The following PIK3C2G variants were observed in gnomAD, a reference collection of about 807,000 sequenced individuals.
PIK3C2G encodes the protein phosphatidylinositol-4-phosphate 3-kinase catalytic subunit type 2 gamma.
A neutral mutation model predicts 181.1 loss-of-function variants in PIK3C2G; 168 were observed. The ratio of observed to expected loss-of-function variants is 0.93; its 90% CI spans 0.82 to 1.05. PIK3C2G has a LOEUF of 1.05. Among genes scored for constraint, PIK3C2G ranks in the 50% least tolerant of loss-of-function variants. PIK3C2G has a pLI of 0.00. For synonymous variants in PIK3C2G, 573 were observed against 592.2 expected (o/e 0.97, Z 0.47); for missense variants, 1,869 against 1,732.8 (o/e 1.08, Z -1.40).
At chr12:18,623,850 A>G (rs1047078707) in intron 31 of PIK3C2G, among the ~76,000 whole-genome samples, 1 of 151,794 alleles carries the variant, frequency 6.6e-6, no homozygotes, top group Non-Finnish European at 1.5e-5. Context: ...TTGTTAGTCT[A>G]GAGAATTGCT....
intron 18 of PIK3C2G, among the ~76,000 whole-genome samples, chr12:18,426,384 T>C (rs938177901): frequency 1.3e-5 from 2 of 152,154 alleles, no homozygotes; most frequent in African/African-American, 2.4e-5. Context: ...AAAAACTCAC[T>C]TATTAAAAAC....
chr12:18,510,863 C>G (rs1432635050), intron 24 of PIK3C2G, among the ~76,000 whole-genome samples: 1 of 152,070 alleles, frequency 6.6e-6, no homozygotes, highest in Non-Finnish European at 1.5e-5. Context: ...TTGAAATTTA[C>G]TCTATTATTT....
chr12:18,546,295 T>C (rs183359115), intron 25 of PIK3C2G, 28 bp from the exon 26 acceptor site: 3 of 1,273,874 alleles, frequency 2.4e-6, no homozygotes, highest in Non-Finnish European at 3.4e-6. Context: ...GTCTTCTTTT[T>C]GCTTTGCTTG....
chr12:18,278,313 T>C (rs1301925811), intron 1 of PIK3C2G, among the ~76,000 whole-genome samples: 1 of 152,172 alleles, frequency 6.6e-6, no homozygotes, highest in Non-Finnish European at 1.5e-5. Flanking sequence ...TTCCTAGCCA[T>C]GTGGCCCCTT....
intron 11 of PIK3C2G, among the ~76,000 whole-genome samples, chr12:18,350,790 G>A (rs1163100382): frequency 6.6e-6 from 1 of 152,120 alleles, no homozygotes; most frequent in Non-Finnish European, 1.5e-5. Context: ...TCCTGACATG[G>A]TATTGAAATA....
rs756694381 is a variant in PIK3C2G at position 18,423,931 on chromosome 12, GT to G, written c.2410-13del. ...TGTTACTGAGAAGTAAAGTAATTGTGTCTCTTACTTCAGGCTGTCAAGTTTG... is the reference window on the plus strand; with the variant it reads ...TGTTACTGAGAAGTAAAGTAATTGTGCTCTTACTTCAGGCTGTCAAGTTTG... On this transcript the variant is annotated splice_polypyrimidine_tract_variant and intron_variant, in intron 17 of 32. Coordinates refer to ENST00000538779, the MANE Select transcript of PIK3C2G (RefSeq NM_001288772.2). 1 of 1,524,052 alleles carries G rather than the reference GT, an allele frequency of 6.6e-7. No homozygotes were observed. Among genetic ancestry groups the G allele is most frequent in the East Asian group, 2.3e-5 (1 of 44,212 alleles). The allele number at this position is 1,524,052 out of a possible 1,614,324, so 94.4% of individuals were successfully genotyped here.
chr12:18,426,037 A>G (rs535099059), intron 18 of PIK3C2G, among the ~76,000 whole-genome samples: 1 of 152,298 alleles, frequency 6.6e-6, no homozygotes, highest in East Asian at 1.9e-4. Context: ...TTTCATCACT[A>G]CAACCTTGAA....
intron 5 of PIK3C2G, among the ~76,000 whole-genome samples, chr12:18,303,100 C>A (rs199776537): frequency 2.7e-5 from 2 of 75,068 alleles, no homozygotes; most frequent in African/African-American, 1.1e-4. Flanking sequence ...TCTTTTCTTT[C>A]TCTTTCTTTC....
At chr12:18,364,615 C>T (rs1029094765) in intron 12 of PIK3C2G, among the ~76,000 whole-genome samples, 3 of 151,938 alleles carry the variant, frequency 2.0e-5, no homozygotes, top group African/African-American at 7.3e-5. Context: ...AGTTATTAAC[C>T]AACCCAGGTG....
chr12:18,494,248 A>G (rs897009591), intron 20 of PIK3C2G, among the ~76,000 whole-genome samples: 3 of 152,178 alleles, frequency 2.0e-5, no homozygotes, highest in Admixed American at 6.5e-5. Flanking sequence ...TCTATCTAGA[A>G]AACCCTTGCT....
intron 24 of PIK3C2G, among the ~76,000 whole-genome samples, chr12:18,536,337 A>G (rs183721339): frequency 2.0e-5 from 3 of 152,218 alleles, no homozygotes; most frequent in African/African-American, 4.8e-5. Flanking sequence ...ATGCTAGGCT[A>G]TGTTGTAAGC....
chr12:18,299,417 T>C (rs1334150774), intron 5 of PIK3C2G, among the ~76,000 whole-genome samples: 3 of 151,966 alleles, frequency 2.0e-5, no homozygotes, highest in African/African-American at 4.8e-5. Context: ...ATTTAATTTG[T>C]TTATCAGTTT....
the PIK3C2G span, among the ~76,000 whole-genome samples, chr12:18,656,173 A>C: frequency 6.6e-6 from 1 of 152,192 alleles, no homozygotes; most frequent in Non-Finnish European, 1.5e-5. Flanking sequence ...TCACACCTGT[A>C]ATCCCAGCAC....
the PIK3C2G span, chr12:18,705,422 T>A: frequency 7.3e-7 from 1 of 1,368,690 alleles, no homozygotes; most frequent in Non-Finnish European, 1.0e-6. Flanking sequence ...TAACGTTTAG[T>A]ACCTTTGCAA....
the PIK3C2G span, among the ~76,000 whole-genome samples, chr12:18,656,249 C>T: frequency 6.6e-6 from 1 of 152,030 alleles, no homozygotes; most frequent in African/African-American, 2.4e-5. Flanking sequence ...GGCAACATAG[C>T]AAGACCCTGT....
chr12:18,361,084 ATTGTTG>A (rs369677115), intron 11 of PIK3C2G, among the ~76,000 whole-genome samples: 4 of 150,150 alleles, frequency 2.7e-5, no homozygotes, highest in Admixed American at 1.3e-4. Flanking sequence ...GGTTTTTGTT[ATTGTTG>A]TTGTTGTTGT....
At chr12:18,596,210 G>C (rs192324543) in intron 30 of PIK3C2G, among the ~76,000 whole-genome samples, 1 of 152,006 alleles carries the variant, frequency 6.6e-6, no homozygotes, top group South Asian at 2.1e-4. Context: ...TATCAAAATC[G>C]TGCTATTCCT....
chr12:18,254,122 T>C (rs1948121136), intron 1 of PIK3C2G, among the ~76,000 whole-genome samples: 1 of 151,952 alleles, frequency 6.6e-6, no homozygotes, highest in Non-Finnish European at 1.5e-5. Flanking sequence ...TTTCTTATTT[T>C]ATTTTTAAAG....
intron 18 of PIK3C2G, among the ~76,000 whole-genome samples, chr12:18,461,955 T>G (rs900393142): frequency 5.9e-5 from 9 of 152,226 alleles, no homozygotes; most frequent in Admixed American, 2.6e-4. Flanking sequence ...AGCATCACTC[T>G]GACCTCTGCT....
Sources: allele counts gnomAD v4.1 joint callset (sites outside exome capture counted in the v4.1 genomes callset), GRCh38; gene constraint gnomAD v4.1.1; transcripts MANE v1.5; gene names NCBI Gene and HGNC (gene_info 2026-07-23, HGNC 2026-07-21).